Variants in ELP4 observed in about 807,000 individuals in gnomAD.
ELP4 encodes the protein elongator acetyltransferase complex subunit 4.
Under a neutral mutation model 48.9 loss-of-function variants are expected in ELP4, and 51 were observed. That is an observed-to-expected ratio of 1.04 (90% CI 0.83 to 1.32). The LOEUF (loss-of-function observed/expected upper bound fraction) is 1.32, where lower values mean the gene tolerates loss of function less well. Ranked by LOEUF, ELP4 falls within the 40% of genes most tolerant of loss-of-function variation. ELP4 has a pLI of 0.00. For missense variants in ELP4, 519 were observed against 514.6 expected (o/e 1.01, Z -0.08); for synonymous variants, 210 against 189.2 (o/e 1.11, Z -0.90).
chr11:31,511,735 A>G (rs192380805), intron 1 of ELP4: 1 of 152,288 alleles, frequency 6.6e-6, no homozygotes, highest in East Asian at 1.9e-4. Context: ...TTAATGATTT[A>G]ACTATCGTCT....
chr11:31,705,850 TTTTGTTTG>T (rs146221298), intron 9 of ELP4, among the ~76,000 whole-genome samples: 1,837 of 151,590 alleles, frequency 0.012, 22 homozygotes, highest in Non-Finnish European at 0.02. Context: ...TTTTTTTAAA[TTTTGTTTG>T]TTTATTTTTT....
chr11:31,737,388 C>A (rs942425457), intron 9 of ELP4, among the ~76,000 whole-genome samples: 5 of 151,954 alleles, frequency 3.3e-5, no homozygotes, highest in Non-Finnish European at 7.4e-5. Flanking sequence ...TTAATGAGTG[C>A]AGCACACCAA....
intron 9 of ELP4, among the ~76,000 whole-genome samples, chr11:31,686,312 A>T (rs1946158249): frequency 6.8e-6 from 1 of 146,546 alleles, no homozygotes; most frequent in Non-Finnish European, 1.5e-5. Flanking sequence ...CTGATTTTTC[A>T]TGATCTTGTG....
chr11:31,512,805 G>A (rs992866269), intron 1 of ELP4, among the ~76,000 whole-genome samples: 12 of 33,870 alleles, frequency 3.5e-4, no homozygotes, highest in South Asian at 3.1e-3. Context: ...CCCCTCCCCC[G>A]CCCCGCCCAC....
chr11:31,736,086 C>T (rs1456892097), intron 9 of ELP4, among the ~76,000 whole-genome samples: 1 of 152,166 alleles, frequency 6.6e-6, no homozygotes, highest in Non-Finnish European at 1.5e-5. Flanking sequence ...TACTACAAGG[C>T]TACAGTAACC....
At chr11:31,515,457 G>T (rs1956093992) in intron 1 of ELP4, among the ~76,000 whole-genome samples, 1 of 152,042 alleles carries the variant, frequency 6.6e-6, no homozygotes, top group Non-Finnish European at 1.5e-5. Context: ...AAACCAGCCT[G>T]GGCAATATAG....
intron 9 of ELP4, among the ~76,000 whole-genome samples, chr11:31,782,627 G>T (rs1014981954): frequency 6.6e-6 from 1 of 152,094 alleles, no homozygotes; most frequent in African/African-American, 2.4e-5. Context: ...TGTAATTGTG[G>T]TCAGTTGCTG....
intron 1 of ELP4, among the ~76,000 whole-genome samples, chr11:31,515,876 C>T (rs1001599577): frequency 3.4e-4 from 52 of 152,242 alleles, no homozygotes; most frequent in Admixed American, 8.5e-4. Flanking sequence ...ATTGGGAGGC[C>T]GAGGCGGGCG....
intron 9 of ELP4, among the ~76,000 whole-genome samples, chr11:31,678,294 T>C (rs1429521830): frequency 6.6e-6 from 1 of 151,978 alleles, no homozygotes; most frequent in South Asian, 2.1e-4. Flanking sequence ...CAAAAAATTT[T>C]AAAAATTAGC....
intron 9 of ELP4, chr11:31,727,805 T>G (rs963663254): frequency 6.6e-6 from 1 of 152,196 alleles, no homozygotes; most frequent in Non-Finnish European, 1.5e-5. Context: ...TAGGACAGGT[T>G]GATGACAGAA....
At chr11:31,557,210 T>C (rs1357090414) in intron 3 of ELP4, among the ~76,000 whole-genome samples, 1 of 151,840 alleles carries the variant, frequency 6.6e-6, no homozygotes, top group Non-Finnish European at 1.5e-5. Flanking sequence ...AAAGTTAAAA[T>C]AATATCTTAA....
chr11:31,723,159 C>T (rs1246941928), intron 9 of ELP4, among the ~76,000 whole-genome samples: 1 of 152,170 alleles, frequency 6.6e-6, no homozygotes, highest in African/African-American at 2.4e-5. Flanking sequence ...ATCCTTTTTA[C>T]ACCCTCATCT....
chr11:31,560,716 T>A (rs988583449), intron 3 of ELP4, among the ~76,000 whole-genome samples: 8 of 150,050 alleles, frequency 5.3e-5, no homozygotes, highest in Non-Finnish European at 1.0e-4. Context: ...CAACGTTGTT[T>A]TATATATATA....
chr11:31,540,776 T>C (rs2984812), intron 3 of ELP4, among the ~76,000 whole-genome samples: 13,175 of 152,220 alleles, frequency 0.087, 1,579 homozygotes, highest in African/African-American at 0.26. Flanking sequence ...CAACTGTAGA[T>C]TGTTTGGTAA....
At chr11:31,671,227 A>G (rs1386898670) in intron 9 of ELP4, among the ~76,000 whole-genome samples, 1 of 152,188 alleles carries the variant, frequency 6.6e-6, no homozygotes, top group Non-Finnish European at 1.5e-5. Context: ...TTGAATCACA[A>G]CTATCCACTT....
At chr11:31,655,208 A>G (rs114595581) in intron 9 of ELP4, among the ~76,000 whole-genome samples, 17 of 152,084 alleles carry the variant, frequency 1.1e-4, no homozygotes, top group Non-Finnish European at 2.2e-4. Context: ...ATAGCATTAC[A>G]TAGGTTTCAA....
intron 9 of ELP4, among the ~76,000 whole-genome samples, chr11:31,762,535 C>G (rs757649238): frequency 2.6e-5 from 4 of 151,900 alleles, no homozygotes; most frequent in Non-Finnish European, 5.9e-5. Flanking sequence ...TTCACTTTCT[C>G]TTTTTAAGTC....
chr11:31,715,028 T>C (rs1167029535), intron 9 of ELP4: 2 of 381,002 alleles, frequency 5.2e-6, no homozygotes, highest in Admixed American at 4.5e-5. Flanking sequence ...CTACCACACA[T>C]TTCTTTCATT....
At chr11:31,647,672 G>A in intron 7 of ELP4, 69 bp from the exon 8 acceptor site, 1 of 934,764 alleles carries the variant, frequency 1.1e-6, no homozygotes, top group Non-Finnish European at 1.7e-6. Context: ...GATGGCATAG[G>A]GATATTTTAT....
Sources: allele counts gnomAD v4.1 joint callset (sites outside exome capture counted in the v4.1 genomes callset), GRCh38; gene constraint gnomAD v4.1.1; transcripts MANE v1.5; gene names NCBI Gene and HGNC (gene_info 2026-07-23, HGNC 2026-07-21).